Variants in EWSR1 observed in about 807,000 individuals in gnomAD.
The protein encoded by EWSR1 is EWS RNA binding protein 1.
A neutral mutation model predicts 92.1 loss-of-function variants in EWSR1; 14 were observed. The ratio of observed to expected loss-of-function variants is 0.15; its 90% confidence interval spans 0.10 to 0.24. The LOEUF is 0.24. EWSR1 is among the 10% of genes least tolerant of loss of function. The probability of loss-of-function intolerance (pLI) is 1.00; values close to 1 mark genes in which losing one functional copy is unlikely to be tolerated. For missense variants in EWSR1, 637 were observed against 870.9 expected, an observed-to-expected ratio of 0.73 and a Z score of 3.38; for synonymous variants, 303 against 292.9, an observed-to-expected ratio of 1.03 and a Z score of -0.35.
intron 8 of EWSR1, chr22:29,290,264 G>A: frequency 1.6e-6 from 1 of 643,468 alleles, no homozygotes; most frequent in Non-Finnish European, 2.6e-6. Context: ...TTTTTATTGT[G>A]GTGTGGTGAT....
intron 4 of EWSR1, chr22:29,274,460 T>C (rs528736767): frequency 2.4e-5 from 14 of 592,584 alleles, no homozygotes; most frequent in African/African-American, 9.2e-5. Flanking sequence ...TCCTATTCTT[T>C]ATATGATTTT....
chr22:29,284,094 A>G (rs1311792989), intron 6 of EWSR1, among the ~76,000 whole-genome samples: 1 of 151,298 alleles, frequency 6.6e-6, no homozygotes, highest in Admixed American at 6.6e-5. Flanking sequence ...TCGGCCTCCC[A>G]AAGTGCTGGG....
chr22:29,277,987 T>G (rs2059250461), intron 4 of EWSR1, 43 bp from the exon 5 acceptor site: 2 of 1,582,092 alleles, frequency 1.3e-6, no homozygotes, highest in South Asian at 1.1e-5. Flanking sequence ...TAGGCAGATC[T>G]CTGAGGGGAC....
Position 29,292,139 on chromosome 22 carries a change from C to T in EWSR1, c.1015C>T (p.Pro339Ser). Residue 339 changes from proline to serine, a missense_variant and splice_region_variant, in exon 10 of 17, where the codon CCC (proline) becomes TCC (serine). Coordinates refer to ENST00000397938, the MANE Select transcript of EWSR1 (RefSeq NM_005243.4). The part of the protein sequence containing the change: ...ERGGFNKPGG[P>S]MDEGPDLDLG... ...ATATGATCTTTCCTGGTTGGCAGGA[C>T]CCATGGATGAAGGACCAGATCTTGA... 1.9e-6 allele frequency: 3 copies of T among 1,613,766 alleles called. No homozygotes were observed. The highest frequency in any genetic ancestry group is 2.5e-6 in the Non-Finnish European group (3 of 1,179,702).
intron 8 of EWSR1, chr22:29,289,926 T>C (rs1292234759): frequency 9.5e-6 from 2 of 211,264 alleles, no homozygotes; most frequent in East Asian, 1.2e-4. Flanking sequence ...ATTTGGAAAA[T>C]ACTCTATTAT....
chr22:29,299,328 C>A lies in EWSR1; in HGVS notation c.1675C>A (p.Pro559Thr). 6.2e-7 allele frequency: 1 copy of A among 1,613,506 alleles called. No homozygotes were observed. The highest frequency in any genetic ancestry group is 8.5e-7 in the Non-Finnish European group (1 of 1,179,490). The change falls in exon 15 of 17, where the codon CCG (proline) becomes ACG (threonine). Residue 559 changes from proline (P) to threonine (T), a missense_variant. By Grantham distance (38) the Pro-to-Thr change is conservative (BLOSUM62 -1). Around this residue, in one of 5 missense-constraint regions of EWSR1, gnomAD observed 363 missense variants for 447.8 expected, o/e 0.81. Coordinates refer to ENST00000397938, the MANE Select transcript of EWSR1 (RefSeq NM_005243.4). The stretch of plus-strand genomic sequence containing the variant: ...CTTCCTCCCGCCACCCTTTCCGCCC[C>A]CGGGTAGGTGCAGGTTTCATGAGTG... The part of the protein sequence containing the change: ...EGFLPPPFPP[P>T]GGDRGRGGPG...
Position 29,299,781 on chromosome 22 carries a change from C to T in EWSR1, c.1861C>T (p.Pro621Ser). The change falls in exon 16 of 17, where the codon CCC (proline) becomes TCC (serine). Residue 621 changes from proline (P) to serine (S), a missense_variant. Pro to Ser is a moderately conservative substitution (Grantham distance 74). Coordinates refer to ENST00000397938, the MANE Select transcript of EWSR1 (RefSeq NM_005243.4). ...GGGRRGGPGGPPGPLMEQMGG... is the reference protein window; with the variant it reads ...GGGRRGGPGGSPGPLMEQMGG... ...AGGAAGACGAGGTGGCCCTGGGGGG[C>T]CCCCTGGACCTTTGATGGAACAGAT... The T allele has an allele frequency of 1.3e-6, 2 of 1,590,772 alleles. No individual in the cohort carries two copies. Among genetic ancestry groups the T allele is most frequent in the Non-Finnish European group, 1.7e-6 (2 of 1,166,382 alleles).
chr22:29,287,224 T>C, intron 7 of EWSR1, 90 bp downstream of exon 7: 1 of 1,310,880 alleles, frequency 7.6e-7, no homozygotes, highest in Non-Finnish European at 1.1e-6. Flanking sequence ...TGTTTTTCTT[T>C]TGAGATGGAG....
At chr22:29,290,244 G>A (rs947715834) in intron 8 of EWSR1, 4 of 568,158 alleles carry the variant, frequency 7.0e-6, no homozygotes, top group Admixed American at 3.5e-5. Flanking sequence ...CATTTCCCTC[G>A]TTGCCCCCCT....
At chr22:29,298,498 C>T (rs2061053968) in intron 13 of EWSR1, among the ~76,000 whole-genome samples, 1 of 142,106 alleles carries the variant, frequency 7.0e-6, no homozygotes, top group African/African-American at 2.7e-5. Context: ...CAGTGTGAGA[C>T]TCCGTCTCCA....
intron 1 of EWSR1, among the ~76,000 whole-genome samples, chr22:29,271,973 A>G (rs1018829135): frequency 6.6e-6 from 1 of 152,326 alleles, no homozygotes; most frequent in Admixed American, 6.5e-5. Context: ...TAAAAAGTAT[A>G]CCTGCCAAAT....
chr22:29,274,303 C>G, intron 4 of EWSR1: 1 of 1,613,436 alleles, frequency 6.2e-7, no homozygotes, highest in Non-Finnish European at 8.5e-7. Context: ...CCTGCTCATT[C>G]TTGCATGGGA....
intron 12 of EWSR1, among the ~76,000 whole-genome samples, chr22:29,297,444 C>T (rs2060953415): frequency 1.3e-5 from 2 of 152,152 alleles, no homozygotes; most frequent in Non-Finnish European, 2.9e-5. Flanking sequence ...ATAATCCTAC[C>T]ACTTCAGGAG....
At position 29,285,238 on chromosome 22, in the gene EWSR1, C is replaced by T. The variant is rs373933939; in HGVS notation, c.582-1685C>T. Among the ~76,000 whole-genome samples, 14 of 149,492 alleles carry T rather than the reference C, an allele frequency of 9.4e-5. No homozygotes were observed. The East Asian group carries it at 1.8e-3, about 19-fold the overall frequency. ...TTCCAGGTTTAAACAGTTCTCTTGCCGCAGCCTCTCGAGTAGCTGGGACTA... is the reference window on the plus strand; with the variant it reads ...TTCCAGGTTTAAACAGTTCTCTTGCTGCAGCCTCTCGAGTAGCTGGGACTA... On this transcript the variant is annotated intron_variant, in intron 6 of 16. Coordinates refer to ENST00000397938, the MANE Select transcript of EWSR1 (RefSeq NM_005243.4).
chr22:29,299,828 T>C lies in EWSR1; in HGVS notation c.1908T>C (p.Arg636=). Residue 636 remains arginine, a synonymous_variant, in exon 16 of 17, where the codon CGT becomes CGC. Transcript: ENST00000397938. ...AGATGGGAGGAAGAAGAGGAGGACG[T>C]GGAGGACCTGGAAAAATGGATAAGT... ...MEQMGGRRGG[R]GGPGKMDKGE... The C allele has an allele frequency of 1.3e-6, 2 of 1,550,974 alleles. No homozygotes were observed. Among genetic ancestry groups the C allele is most frequent in the Non-Finnish European group, 1.7e-6 (2 of 1,146,884 alleles).
chr22:29,268,287 G>A lies in EWSR1; in HGVS notation c.-50G>A, dbSNP rs1281151601. On this transcript the variant is annotated 5_prime_UTR_variant, in exon 1 of 17. Coordinates refer to ENST00000397938, the MANE Select transcript of EWSR1 (RefSeq NM_005243.4). ...GCCTGCGCAGTGCGGCGCCTAGAGG[G>A]AAAGCGAGAGGGAGACGGACGTTGA... 2.5e-6 allele frequency: 4 copies of A among 1,607,460 alleles called. No individual in the cohort carries two copies. The highest frequency in any genetic ancestry group is 1.1e-5 in the South Asian group (1 of 90,960).
chr22:29,272,547 A>G (rs2058761725), intron 3 of EWSR1, 116 bp downstream of exon 3: 5 of 1,074,172 alleles, frequency 4.7e-6, no homozygotes, highest in Non-Finnish European at 6.9e-6. Flanking sequence ...ATAGTAAAAT[A>G]CCCAGGCATT....
chr22:29,269,001 C>G (rs531325010), intron 1 of EWSR1, among the ~76,000 whole-genome samples: 1 of 152,148 alleles, frequency 6.6e-6, no homozygotes, highest in South Asian at 2.1e-4. Context: ...CTCCAGGGCC[C>G]CCAGTTTGCC....
intron 13 of EWSR1, 94 bp from the exon 14 acceptor site, chr22:29,298,639 A>C: frequency 7.0e-7 from 1 of 1,437,924 alleles, no homozygotes; most frequent in South Asian, 1.2e-5. Context: ...TGACAGCAGT[A>C]GTATCTGTGG....
Sources: gnomAD v4.1 joint callset for allele counts (sites outside exome capture counted in the v4.1 genomes callset) on GRCh38, gnomAD v4.1.1 for gene constraint, gnomAD v4.1.1 regional missense constraint, MANE v1.5 for transcripts, NCBI Gene and HGNC (gene_info 2026-07-23, HGNC 2026-07-21) for gene names.